Variants in DGKA observed in about 807,000 individuals in gnomAD.
DGKA encodes 80 kDa diacylglycerol kinase.
In DGKA, 35 loss-of-function variants were observed where a neutral mutation model predicts 105.0. That is an observed-to-expected ratio of 0.33 (90% confidence interval 0.25 to 0.44). The LOEUF is 0.44. Ranked by LOEUF, DGKA falls within the 20% of genes least tolerant of loss-of-function variation. DGKA has a pLI of 1.00. For missense variants in DGKA, 665 were observed against 915.0 expected (o/e 0.73, Z 3.53); for synonymous variants, 296 against 332.0 (o/e 0.89, Z 1.18).
chr12:55,928,777 C>T (rs779389640), upstream of DGKA, among the ~76,000 whole-genome samples: 5 of 151,772 alleles, frequency 3.3e-5, no homozygotes, highest in Non-Finnish European at 7.4e-5. Context: ...TTCTGGGGGC[C>T]GCAGCTTGCC....
Position 55,940,975 on chromosome 12 carries a change from C to T in DGKA, c.1096C>T (p.Leu366=). The change falls in exon 13 of 24, where the codon CTG becomes TTG. Residue 366 remains leucine (L), a synonymous_variant. Coordinates refer to ENST00000331886, the MANE Select transcript of DGKA (RefSeq NM_001345.5). The surrounding 1 kb of genome is among the most constrained non-coding windows in gnomAD (Gnocchi z 4.3). ...TTTAAATTTGAGCACCTCTGAGGCT[C>T]TGCGGGTACAGGGCTGAGAGTCTTG... ...DDLNLSTSEA[L]RIDPVPNTHP... is the part of the protein sequence containing the mutation. 6.2e-7 allele frequency: 1 copy of T among 1,613,904 alleles called. No individual in the cohort carries two copies. Among genetic ancestry groups the T allele is most frequent in the Non-Finnish European group, 8.5e-7 (1 of 1,179,918 alleles).
chr12:55,938,527 C>T lies in DGKA; in HGVS notation c.366C>T (p.Tyr122=), dbSNP rs1236478157. 8 of 1,613,946 alleles carry T rather than the reference C, an allele frequency of 5.0e-6. No individual in the cohort carries two copies. Among genetic ancestry groups the T allele is most frequent in the East Asian group, 4.5e-5 (2 of 44,884 alleles). The change falls in exon 6 of 24, where the codon TAC becomes TAT. Residue 122 remains tyrosine, a synonymous_variant. Coordinates refer to ENST00000331886, the MANE Select transcript of DGKA (RefSeq NM_001345.5). The part of the protein sequence containing the change: ...EDKLEFTFKL[Y]DTDRNGILDS... ...ACCCCACAGTCACCTTCAAGCTGTA[C>T]GACACGGACAGAAATGGGATCCTGG...
chr12:55,936,802 CT>C, intron 2 of DGKA: 1 of 803,314 alleles, frequency 1.2e-6, no homozygotes, highest in Non-Finnish European at 2.1e-6. Flanking sequence ...CTCTACCCAC[CT>C]TCGCTATACC....
intron 1 of DGKA, among the ~76,000 whole-genome samples, chr12:55,934,902 A>G (rs1884342146): frequency 6.6e-6 from 1 of 152,200 alleles, no homozygotes; most frequent in Non-Finnish European, 1.5e-5. Flanking sequence ...ACAGAACAGT[A>G]AGACTCATTG....
chr12:55,946,620 G>A (rs1887064536), intron 17 of DGKA, among the ~76,000 whole-genome samples: 1 of 152,124 alleles, frequency 6.6e-6, no homozygotes, highest in Admixed American at 6.5e-5. Context: ...GCCTCCTAAA[G>A]TGCTGGGATT....
At chr12:55,950,216 G>T (rs1887881921) in intron 17 of DGKA, among the ~76,000 whole-genome samples, 1 of 151,694 alleles carries the variant, frequency 6.6e-6, no homozygotes, top group South Asian at 2.1e-4. Flanking sequence ...CTGGTGATCT[G>T]CCCTCCTCGG....
rs1286529824 is a variant in DGKA at position 55,948,342 on chromosome 12, A to G, written c.1427-3281A>G. On this transcript the variant is annotated intron_variant, in intron 17 of 23. Transcript: ENST00000331886. ...CTTGAACCCAGGAGGCGGAGGTTGC[A>G]GTGAGCCGAGATCATGCCACTGCAC... 7.2e-5 allele frequency among the ~76,000 whole-genome samples: 11 copies of G among 151,738 alleles called. No individual in the cohort carries two copies. In the East Asian group the frequency reaches 2.2e-3, roughly 30 times the overall value.
chr12:55,951,710 T>C lies in DGKA; in HGVS notation c.1514T>C (p.Ile505Thr). 1.2e-6 allele frequency: 2 copies of C among 1,613,802 alleles called. No homozygotes were observed. Among genetic ancestry groups the C allele is most frequent in the Middle Eastern group, 1.6e-4 (1 of 6,062 alleles). Reference protein sequence around the residue: ...VHMDRWSVEVIPQQTEEKSDP... With the variant: ...VHMDRWSVEVTPQQTEEKSDP... ...ATGGATCGATGGTCTGTGGAGGTGATACCTCAACAAACTGAAGAAAAAAGT... is the reference window on the plus strand; with the variant it reads ...ATGGATCGATGGTCTGTGGAGGTGACACCTCAACAAACTGAAGAAAAAAGT... The change falls in exon 18 of 24, where the codon ATA (isoleucine) becomes ACA (threonine). Residue 505 changes from isoleucine to threonine, a missense_variant. Physicochemically the swap from Ile to Thr is moderately conservative, Grantham distance 89. Transcript: ENST00000331886.
In DGKA at chr12:55,942,102, G is replaced by A. The variant is rs7958343; in HGVS notation, c.1336+19G>A. 21,834 of 1,613,888 alleles carry A rather than the reference G, an allele frequency of 0.014. 266 individuals carry two copies. The highest frequency in any genetic ancestry group is 0.015 in the Non-Finnish European group (17,710 of 1,179,776). On this transcript the variant is annotated intron_variant, in intron 16 of 23. Transcript: ENST00000331886. ...ACCATTGGTCAGTGCAGGGAGGGGCGTGGGGAAGGTATTGGGGTCGTAGTC... is the reference window on the plus strand; with the variant it reads ...ACCATTGGTCAGTGCAGGGAGGGGCATGGGGAAGGTATTGGGGTCGTAGTC...
chr12:55,932,761 G>A lies in DGKA; in HGVS notation c.-82+1417G>A. The A allele has an allele frequency of 1.7e-6, 1 of 593,688 alleles. No individual in the cohort carries two copies. The highest frequency in any genetic ancestry group is 3.0e-6 in the Non-Finnish European group (1 of 328,674). 36.8% of individuals were successfully genotyped at this position (593,688 alleles called of 1,614,324 possible). The stretch of plus-strand genomic sequence containing the variant: ...CACACAACCCCCTCAGCCAGGTGTA[G>A]CACTGCAGTCTTCAGTGTTTGTGGA... On this transcript the variant is annotated intron_variant, in intron 1 of 23. Transcript: ENST00000331886. The surrounding 1 kb of genome is among the most constrained non-coding windows in gnomAD (Gnocchi z 4.3).
chr12:55,936,067 G>T, intron 1 of DGKA: 1 of 974,306 alleles, frequency 1.0e-6, no homozygotes, highest in Non-Finnish European at 1.2e-6. Flanking sequence ...GGAAGAAAGC[G>T]CAGAAACAGA....
Position 55,952,581 on chromosome 12 carries a change from A to G in DGKA, c.1743+150A>G. On this transcript the variant is annotated intron_variant, in intron 20 of 23. Coordinates refer to ENST00000331886, the MANE Select transcript of DGKA (RefSeq NM_001345.5). The surrounding 1 kb of genome is among the most constrained non-coding windows in gnomAD (Gnocchi z 5.1). Reference sequence around the variant, plus strand: ...CCTACCCCAATTCTCCAAGTCCTCAAGATACACTAGTCCCTATTTCCATTC... The same window carrying G: ...CCTACCCCAATTCTCCAAGTCCTCAGGATACACTAGTCCCTATTTCCATTC... 1 of 1,173,694 alleles carries G rather than the reference A, an allele frequency of 8.5e-7. No individual in the cohort carries two copies. The highest frequency in any genetic ancestry group is 1.3e-6 in the Non-Finnish European group (1 of 799,590). The allele number at this position is 1,173,694 out of a possible 1,614,324, so 72.7% of individuals were successfully genotyped here.
At position 55,932,738 on chromosome 12, in the gene DGKA, C is replaced by CAA. The variant is rs1414315624; in HGVS notation, c.-82+1395_-82+1396insAA. 26 of 598,070 alleles carry CAA rather than the reference C, an allele frequency of 4.3e-5. No individual in the cohort carries two copies. The African/African-American group carries it at 4.8e-4, about 11-fold the overall frequency. 37.0% of individuals were successfully genotyped at this position (598,070 alleles called of 1,614,324 possible). ...ACACACACACACACACACACACACA[C>CAA]ACAACCCCCTCAGCCAGGTGTAGCA... On this transcript the variant is annotated intron_variant, in intron 1 of 23. Transcript: ENST00000331886. This position sits in a 1 kb window ranked among gnomAD's most constrained non-coding sequence, Gnocchi z 4.3.
intron 17 of DGKA, among the ~76,000 whole-genome samples, chr12:55,949,433 A>G (rs1887704226): frequency 6.6e-6 from 1 of 152,190 alleles, no homozygotes; most frequent in Admixed American, 6.5e-5. Flanking sequence ...TCCTGACCTT[A>G]GGTGATCTGC....
intron 7 of DGKA, 42 bp downstream of exon 7, chr12:55,939,031 C>A: frequency 6.2e-7 from 1 of 1,613,268 alleles, no homozygotes; most frequent in East Asian, 2.2e-5. Context: ...GTACCTTCTT[C>A]CCTGGTGAGT....
Position 55,932,938 on chromosome 12 carries a change from G to A in DGKA, c.-82+1594G>A, listed in dbSNP as rs1883943798. The A allele has an allele frequency of 4.4e-6, 1 of 225,078 alleles. No homozygotes were observed. The highest frequency in any genetic ancestry group is 2.3e-5 in the African/African-American group (1 of 44,224). The allele number at this position is 225,078 out of a possible 1,614,324, so 13.9% of individuals were successfully genotyped here. On this transcript the variant is annotated intron_variant, in intron 1 of 23. Transcript: ENST00000331886. The surrounding 1 kb of genome is among the most constrained non-coding windows in gnomAD (Gnocchi z 4.3). ...ATCAGGCCTGGGCCCTCAAATTCGGGGCTCCTGCCCCTCTGGGGCAGCCTC... is the reference window on the plus strand; with the variant it reads ...ATCAGGCCTGGGCCCTCAAATTCGGAGCTCCTGCCCCTCTGGGGCAGCCTC...
chr12:55,937,291 C>G (rs1884954035), intron 3 of DGKA, 117 bp from the exon 4 acceptor site: 1 of 1,327,212 alleles, frequency 7.5e-7, no homozygotes, highest in Non-Finnish European at 1.1e-6. Context: ...AAACCATACT[C>G]CTGCCTCAGA....
chr12:55,939,420 GA>G lies in DGKA; in HGVS notation c.602del (p.Lys201ArgfsTer33). 1 of 1,614,162 alleles carries G rather than the reference GA, an allele frequency of 6.2e-7. No homozygotes were observed. Among genetic ancestry groups the G allele is most frequent in the Non-Finnish European group, 8.5e-7 (1 of 1,180,022 alleles). On this transcript the variant is annotated frameshift_variant, in exon 9 of 24. Transcript: ENST00000331886. LOFTEE classifies it high-confidence loss of function. ...LVLLGLEMTLKDDGQHMWRPK... is the reference protein window; with the variant it reads ...LVLLGLEMTLXDDGQHMWRPK... The stretch of plus-strand genomic sequence containing the variant: ...CATCTACTGTGCCTTCCTAGACTCT[GA>G]AGGACGACGGACAGCACATGTGGAG...
At chr12:55,937,629 C>A in intron 4 of DGKA, 86 bp downstream of exon 4, 1 of 1,528,384 alleles carries the variant, frequency 6.5e-7, no homozygotes, top group South Asian at 1.2e-5. Flanking sequence ...TAACTTGAGT[C>A]ACACGTTGTG....
Sources: gnomAD v4.1 joint callset for allele counts (sites outside exome capture counted in the v4.1 genomes callset) on GRCh38, gnomAD v4.1.1 for gene constraint, Gnocchi (gnomAD v3.1) non-coding constraint, MANE v1.5 for transcripts, NCBI Gene and HGNC (gene_info 2026-07-23, HGNC 2026-07-21) for gene names.